Variants in RASGRF2 observed in about 807,000 individuals in gnomAD.
RASGRF2 encodes the protein ras-specific guanine nucleotide-releasing factor 2.
Under a neutral mutation model 151.0 loss-of-function variants are expected in RASGRF2, and 76 were observed. That is an observed-to-expected ratio of 0.50 (90% CI 0.42 to 0.61). The LOEUF (loss-of-function observed/expected upper bound fraction) is 0.61. RASGRF2 is among the 20% of genes least tolerant of loss of function. The pLI is 0.00. For missense variants in RASGRF2, 1,148 were observed against 1,564.6 expected, an observed-to-expected ratio of 0.73 and a Z score of 4.49; for synonymous variants, 504 against 566.5, an observed-to-expected ratio of 0.89 and a Z score of 1.57.
chr5:81,094,845 A>T lies in RASGRF2; in HGVS notation c.1619-11A>T, dbSNP rs756284648. On this transcript the variant is annotated splice_polypyrimidine_tract_variant and intron_variant, in intron 11 of 26. Transcript: ENST00000265080. ...ATTCTCATCTAATTGTTTGCTTTAC[A>T]TGTGTTCAAGCTAAAGGTTCTGGGC... is the stretch of plus-strand genomic sequence containing the variant. 6.3e-7 allele frequency: 1 copy of T among 1,586,684 alleles called. No homozygotes were observed. Among genetic ancestry groups the T allele is most frequent in the Admixed American group, 1.7e-5 (1 of 59,322 alleles).
intron 12 of RASGRF2, among the ~76,000 whole-genome samples, chr5:81,106,570 C>G (rs1195124365): frequency 6.6e-6 from 1 of 152,196 alleles, no homozygotes; most frequent in African/African-American, 2.4e-5. Context: ...ACTTTCTTCT[C>G]CATTATGAAT....
At chr5:81,102,206 A>T (rs149427765) in intron 12 of RASGRF2, among the ~76,000 whole-genome samples, 280 of 152,314 alleles carry the variant, frequency 1.8e-3, no homozygotes, top group African/African-American at 6.4e-3. Flanking sequence ...TCCACATCCT[A>T]GGAGTATTAA....
At position 81,079,497 on chromosome 5, in the gene RASGRF2, A is replaced by T. The variant is rs573056483; in HGVS notation, c.888-624A>T. Among the ~76,000 whole-genome samples the T allele has an allele frequency of 1.1e-4, 14 of 131,846 alleles. No individual in the cohort carries two copies. In the South Asian group the frequency reaches 3.7e-3, roughly 35 times the overall value. The allele number at this position is 131,846 out of a possible 152,430, so 86.5% of individuals were successfully genotyped here. On this transcript the variant is annotated intron_variant, in intron 5 of 26. Coordinates refer to ENST00000265080, the MANE Select transcript of RASGRF2 (RefSeq NM_006909.3). ...TTCAAAGGCTCATTGCAGTAGGTTA[A>T]TTCCAATGAGGAGAAAGCAATGATG...
intron 17 of RASGRF2, among the ~76,000 whole-genome samples, chr5:81,150,131 G>A (rs752128027): frequency 1.1e-4 from 16 of 152,186 alleles, no homozygotes; most frequent in Non-Finnish European, 1.3e-4. Context: ...CTTAGGGTAC[G>A]TGGGCCATAA....
chr5:81,225,880 A>G lies in RASGRF2; in HGVS notation c.*110A>G, dbSNP rs1561268768. 2 of 1,160,824 alleles carry G rather than the reference A, an allele frequency of 1.7e-6. No homozygotes were observed. The highest frequency in any genetic ancestry group is 5.9e-5 in the East Asian group (2 of 34,168). 71.9% of individuals were successfully genotyped at this position (1,160,824 alleles called of 1,614,324 possible). A position where few individuals can be genotyped will look rare whatever the true frequency, so the allele number is the denominator to read the frequency against. ...AGCACGAAGCCAGGCTCCTTTCTCC[A>G]CCAAAGAAGATGGAACCAGACTGGA... On this transcript the variant is annotated 3_prime_UTR_variant, in exon 27 of 27. Transcript: ENST00000265080.
chr5:81,030,354 G>T (rs535003990), intron 1 of RASGRF2, among the ~76,000 whole-genome samples: 2 of 152,216 alleles, frequency 1.3e-5, no homozygotes, highest in East Asian at 3.9e-4. Context: ...ATTACCAGAT[G>T]CACCAAAGTT....
intron 23 of RASGRF2, among the ~76,000 whole-genome samples, chr5:81,213,472 CCA>C (rs1755667899): frequency 6.6e-6 from 1 of 152,162 alleles, no homozygotes; most frequent in East Asian, 1.9e-4. Flanking sequence ...CTGTGAACAC[CCA>C]GAGTTGGTGA....
intron 17 of RASGRF2, among the ~76,000 whole-genome samples, chr5:81,143,217 C>G (rs927934170): frequency 6.6e-6 from 1 of 151,932 alleles, no homozygotes; most frequent in Non-Finnish European, 1.5e-5. Flanking sequence ...GGCGCAATCT[C>G]CACTCACTGC....
At chr5:81,061,606 C>A (rs1379900135) in intron 2 of RASGRF2, among the ~76,000 whole-genome samples, 1 of 151,564 alleles carries the variant, frequency 6.6e-6, no homozygotes, top group African/African-American at 2.4e-5. Flanking sequence ...ATCCTGGGCT[C>A]AAGTGATCCT....
Position 80,960,991 on chromosome 5 carries a change from G to T in RASGRF2, c.253G>T (p.Gly85Trp). The change falls in exon 1 of 27, where the codon GGG becomes TGG. Residue 85 changes from glycine to tryptophan, a missense_variant. Coordinates refer to ENST00000265080, the MANE Select transcript of RASGRF2 (RefSeq NM_006909.3). The surrounding 1 kb of genome is among the most constrained non-coding windows in gnomAD (Gnocchi z 5.5). The stretch of plus-strand genomic sequence containing the variant: ...GCCCGCGCCACCCAGGGCCGGCGCC[G>T]GGCAGGGAGGCGTCCGAGACGCGCT... ...RTPAPPRAGA[G>W]QGGVRDALDK... 1 of 1,536,458 alleles carries T rather than the reference G, an allele frequency of 6.5e-7. No homozygotes were observed. The highest frequency in any genetic ancestry group is 1.2e-5 in the South Asian group (1 of 83,738).
intron 17 of RASGRF2, among the ~76,000 whole-genome samples, chr5:81,143,931 T>A (rs1753945447): frequency 6.6e-6 from 1 of 151,700 alleles, no homozygotes; most frequent in South Asian, 2.1e-4. Context: ...TTTCCTGGAC[T>A]TTTTGGTTAT....
At chr5:81,111,463 A>C (rs530333590) in intron 13 of RASGRF2, among the ~76,000 whole-genome samples, 1 of 152,300 alleles carries the variant, frequency 6.6e-6, no homozygotes, top group African/African-American at 2.4e-5. Context: ...TATTCAGGGG[A>C]ATATCTTACA....
Position 81,127,168 on chromosome 5 carries a change from G to A in RASGRF2, c.2686+5G>A. ...CAGGACATGGGAGTCCACCAGGTGAGTAGGGGAGCAGCTATGTACAGATAT... is the reference window on the plus strand; with the variant it reads ...CAGGACATGGGAGTCCACCAGGTGAATAGGGGAGCAGCTATGTACAGATAT... On this transcript the variant is annotated splice_donor_5th_base_variant and intron_variant, in intron 17 of 26. Transcript: ENST00000265080. 1 of 1,612,306 alleles carries A rather than the reference G, an allele frequency of 6.2e-7. No homozygotes were observed. Among genetic ancestry groups the A allele is most frequent in the Non-Finnish European group, 8.5e-7 (1 of 1,178,452 alleles).
intron 21 of RASGRF2, among the ~76,000 whole-genome samples, chr5:81,207,864 C>G (rs1006793088): frequency 6.6e-6 from 1 of 152,236 alleles, no homozygotes; most frequent in Admixed American, 6.5e-5. Flanking sequence ...AACGCAATCC[C>G]TGCCTTTGAA....
At chr5:81,099,591 T>G (rs569969160) in intron 12 of RASGRF2, among the ~76,000 whole-genome samples, 1 of 152,230 alleles carries the variant, frequency 6.6e-6, no homozygotes, top group Non-Finnish European at 1.5e-5. Flanking sequence ...ATGTAAGTTA[T>G]AATTTCACTA....
intron 17 of RASGRF2, among the ~76,000 whole-genome samples, chr5:81,141,204 G>A (rs1753876597): frequency 6.6e-6 from 1 of 152,140 alleles, no homozygotes. Context: ...GATTTCCAGA[G>A]ACACTCCTAA....
intron 1 of RASGRF2, among the ~76,000 whole-genome samples, chr5:81,020,245 A>G (rs1427816130): frequency 6.6e-6 from 1 of 152,152 alleles, no homozygotes; most frequent in Non-Finnish European, 1.5e-5. Context: ...TTACTGTTCT[A>G]CTAAGGATTT....
At chr5:81,193,037 C>T (rs1412150301) in intron 18 of RASGRF2, among the ~76,000 whole-genome samples, 1 of 152,162 alleles carries the variant, frequency 6.6e-6, no homozygotes. Flanking sequence ...TTTTAATCCA[C>T]TCTGCAGTAT....
At chr5:81,202,981 AC>A (rs1351875439) in intron 19 of RASGRF2, among the ~76,000 whole-genome samples, 1 of 152,216 alleles carries the variant, frequency 6.6e-6, no homozygotes, top group East Asian at 1.9e-4. Flanking sequence ...GTTTTAAGCC[AC>A]CCAGTTTGTG....
Sources: allele counts gnomAD v4.1 joint callset (sites outside exome capture counted in the v4.1 genomes callset), GRCh38; gene constraint gnomAD v4.1.1; non-coding constraint Gnocchi (gnomAD v3.1); transcripts MANE v1.5; gene names NCBI Gene and HGNC (gene_info 2026-07-23, HGNC 2026-07-21).